The following SCAI variants were observed in gnomAD, a reference collection of about 807,000 sequenced individuals.
SCAI encodes the protein suppressor of cancer cell invasion.
In SCAI, 24 loss-of-function variants were observed where a neutral mutation model predicts 92.2. That is an observed-to-expected ratio of 0.26 (90% CI 0.19 to 0.37). The LOEUF (loss-of-function observed/expected upper bound fraction) is 0.37. SCAI is among the 10% of genes least tolerant of loss of function. SCAI has a pLI of 1.00. For synonymous variants in SCAI, 261 were observed against 258.6 expected (o/e 1.01, Z -0.09); for missense variants, 450 against 736.2 (o/e 0.61, Z 4.50).
At chr9:125,108,779 G>C (rs1042439523) in intron 2 of SCAI, among the ~76,000 whole-genome samples, 4 of 152,042 alleles carry the variant, frequency 2.6e-5, no homozygotes, top group African/African-American at 7.2e-5. Flanking sequence ...CGGGAGGTGG[G>C]GGGCGCCTCT....
chr9:125,047,053 C>A (rs1833457946), intron 3 of SCAI, among the ~76,000 whole-genome samples: 1 of 152,246 alleles, frequency 6.6e-6, no homozygotes, highest in Admixed American at 6.5e-5. Flanking sequence ...GGTAACATTT[C>A]AATAAAACCA....
At chr9:125,003,771 T>G (rs1322801173) in intron 9 of SCAI, 2 of 546,376 alleles carry the variant, frequency 3.7e-6, no homozygotes, top group Non-Finnish European at 6.5e-6. Flanking sequence ...GTTCATCATC[T>G]AGATCCTATA....
rs924484004 is a variant in SCAI at position 124,949,458 on chromosome 9, T to C, written c.*3349A>G. The C allele has an allele frequency of 6.6e-6, 1 of 152,236 alleles. No homozygotes were observed. Among genetic ancestry groups the C allele is most frequent in the African/African-American group, 2.4e-5 (1 of 41,452 alleles). 9.4% of individuals were successfully genotyped at this position (152,236 alleles called of 1,614,324 possible). ...TTCCTAATGAAGCCTACCCTGATCA[T>C]CACTTTTTCTTTTCTTTTTTTCCAG... On this transcript the variant is annotated 3_prime_UTR_variant, in exon 18 of 18. Transcript: ENST00000336505. The surrounding 1 kb of genome is among the most constrained non-coding windows in gnomAD (Gnocchi z 4.0).
intron 13 of SCAI, among the ~76,000 whole-genome samples, chr9:124,998,426 C>T (rs1814104212): frequency 6.6e-6 from 1 of 151,754 alleles, no homozygotes; most frequent in Non-Finnish European, 1.5e-5. Flanking sequence ...GCACTCTAGC[C>T]TGGGCATGAG....
At chr9:125,027,609 C>T (rs1832988843) in intron 5 of SCAI, among the ~76,000 whole-genome samples, 2 of 152,142 alleles carry the variant, frequency 1.3e-5, no homozygotes, top group Admixed American at 1.3e-4. Flanking sequence ...CAACCTCTGC[C>T]TCCCAGGTTC....
intron 2 of SCAI, among the ~76,000 whole-genome samples, chr9:125,120,533 A>C (rs1449311483): frequency 6.6e-6 from 1 of 152,198 alleles, no homozygotes; most frequent in Non-Finnish European, 1.5e-5. Flanking sequence ...TCTCTACTAA[A>C]AATACAAAAA....
chr9:125,017,607 C>T (rs1238676988), intron 9 of SCAI, among the ~76,000 whole-genome samples: 1 of 152,154 alleles, frequency 6.6e-6, no homozygotes, highest in Non-Finnish European at 1.5e-5. Flanking sequence ...AATGTATTCA[C>T]TGGTGTAATT....
At chr9:124,976,335 C>A in intron 14 of SCAI, 149 bp from the exon 15 acceptor site, 1 of 613,854 alleles carries the variant, frequency 1.6e-6, no homozygotes, top group South Asian at 1.9e-5. Flanking sequence ...AAGGAGACTG[C>A]CATTCATATA....
Position 125,057,469 on chromosome 9 carries a change from A to C in SCAI, c.99-1462T>G, listed in dbSNP as rs538847367. 2.0e-4 allele frequency among the ~76,000 whole-genome samples: 30 copies of C among 152,346 alleles called. No individual in the cohort carries two copies. The South Asian group carries it at 3.9e-3, about 20-fold the overall frequency. On this transcript the variant is annotated intron_variant, in intron 2 of 17. Coordinates refer to ENST00000336505, the MANE Select transcript of SCAI (RefSeq NM_001144877.3). ...CACCTAAAATTGAAAGGACTCAAAG[A>C]ATGTCAAAATAATCCCACAGCTAGA...
At chr9:124,983,021 C>T (rs1831918072) in intron 14 of SCAI, among the ~76,000 whole-genome samples, 1 of 152,020 alleles carries the variant, frequency 6.6e-6, no homozygotes, top group South Asian at 2.1e-4. Flanking sequence ...GGTGTGGTGG[C>T]ATGTTTCTGT....
At chr9:124,977,857 T>C (rs1339347241) in intron 14 of SCAI, among the ~76,000 whole-genome samples, 5 of 152,222 alleles carry the variant, frequency 3.3e-5, no homozygotes, top group East Asian at 3.9e-4. Flanking sequence ...AAAAACTGAA[T>C]AGCCATCTAA....
chr9:124,994,865 C>T, intron 14 of SCAI, 69 bp downstream of exon 14: 1 of 918,040 alleles, frequency 1.1e-6, no homozygotes, highest in Non-Finnish European at 1.7e-6. Context: ...AAAAGGCACA[C>T]ATTAAGAGTG....
chr9:125,070,749 G>T (rs1252740665), intron 2 of SCAI, among the ~76,000 whole-genome samples: 1 of 152,142 alleles, frequency 6.6e-6, no homozygotes, highest in Non-Finnish European at 1.5e-5. Flanking sequence ...TAAATTACAA[G>T]GCCAGGCATG....
At chr9:124,985,128 C>T (rs1371196861) in intron 14 of SCAI, among the ~76,000 whole-genome samples, 1 of 152,106 alleles carries the variant, frequency 6.6e-6, no homozygotes, top group East Asian at 1.9e-4. Context: ...AATTGGAATC[C>T]TAAAAGGGTA....
intron 2 of SCAI, among the ~76,000 whole-genome samples, chr9:125,066,380 C>A (rs1833867337): frequency 6.6e-6 from 1 of 152,170 alleles, no homozygotes; most frequent in Non-Finnish European, 1.5e-5. Flanking sequence ...CCCAAAGCAA[C>A]TTCCAGTCCT....
chr9:124,986,784 G>T (rs1029114948), intron 14 of SCAI, among the ~76,000 whole-genome samples: 2 of 152,150 alleles, frequency 1.3e-5, no homozygotes, highest in African/African-American at 4.8e-5. Context: ...ATGGAATGAA[G>T]GTGAGGCTGA....
chr9:125,012,570 A>G (rs1386089128), intron 9 of SCAI, among the ~76,000 whole-genome samples: 2 of 152,174 alleles, frequency 1.3e-5, no homozygotes, highest in Non-Finnish European at 2.9e-5. Flanking sequence ...ACTCCCACAC[A>G]ATAATAATGG....
At chr9:125,135,150 A>G (rs1027661698) in intron 2 of SCAI, among the ~76,000 whole-genome samples, 1 of 152,218 alleles carries the variant, frequency 6.6e-6, no homozygotes, top group Non-Finnish European at 1.5e-5. Flanking sequence ...AAGGGTGCAA[A>G]GATGAACTAT....
chr9:125,043,108 T>C (rs1431271918), intron 3 of SCAI, among the ~76,000 whole-genome samples: 1 of 151,886 alleles, frequency 6.6e-6, no homozygotes, highest in Non-Finnish European at 1.5e-5. Flanking sequence ...CGTCAAGTGA[T>C]CCACCTGCCC....
Sources: gnomAD v4.1 joint callset for allele counts (sites outside exome capture counted in the v4.1 genomes callset) on GRCh38, gnomAD v4.1.1 for gene constraint, Gnocchi (gnomAD v3.1) non-coding constraint, MANE v1.5 for transcripts, NCBI Gene and HGNC (gene_info 2026-07-23, HGNC 2026-07-21) for gene names.